The following ARNT2 variants were observed in gnomAD, a reference collection of about 807,000 sequenced individuals.
ARNT2 encodes ARNT protein 2.
In ARNT2, 36 loss-of-function variants were observed where a neutral mutation model predicts 91.7. The observed-to-expected ratio is 0.39, with a 90% CI of 0.30 to 0.52. ARNT2 has a LOEUF of 0.52. ARNT2 is among the 20% of genes least tolerant of loss of function. The pLI is 0.72. For missense variants in ARNT2, 775 were observed against 939.3 expected (o/e 0.83, Z 2.29); for synonymous variants, 365 against 347.1 (o/e 1.05, Z -0.57).
intron 11 of ARNT2, 177 bp downstream of exon 11, chr15:80,555,316 C>A: frequency 1.7e-6 from 1 of 599,422 alleles, no homozygotes; most frequent in Non-Finnish European, 3.0e-6. Flanking sequence ...AGACACACAT[C>A]AGTAAATAAG....
chr15:80,539,488 T>A (rs181312346), intron 8 of ARNT2, among the ~76,000 whole-genome samples: 13 of 152,264 alleles, frequency 8.5e-5, no homozygotes, highest in Admixed American at 2.6e-4. Context: ...ATAATTAATA[T>A]CTTATGCAGA....
intron 2 of ARNT2, among the ~76,000 whole-genome samples, chr15:80,452,610 A>C (rs920031189): frequency 6.6e-6 from 1 of 152,206 alleles, no homozygotes; most frequent in Non-Finnish European, 1.5e-5. Context: ...CTGAGGACAG[A>C]GCCCCATTGC....
At chr15:80,431,028 T>A (rs538462439) in intron 1 of ARNT2, among the ~76,000 whole-genome samples, 2 of 152,172 alleles carry the variant, frequency 1.3e-5, no homozygotes, top group African/African-American at 4.8e-5. Context: ...CTATCTTCAT[T>A]TATATCCTTC....
At chr15:80,416,721 T>C (rs1031908938) in intron 1 of ARNT2, among the ~76,000 whole-genome samples, 2 of 152,240 alleles carry the variant, frequency 1.3e-5, no homozygotes, top group Admixed American at 6.5e-5. Context: ...TTTGGTTTTG[T>C]CTGATGTTGC....
chr15:80,516,828 AATATATATATAT>A lies in ARNT2; in HGVS notation c.877+2440_877+2451del, dbSNP rs56146872. Among the ~76,000 whole-genome samples, 238 of 74,794 alleles carry A rather than the reference AATATATATATAT, an allele frequency of 3.2e-3. 10 individuals are homozygous for A. In the East Asian group the frequency reaches 0.045, roughly 14 times the overall value. 49.1% of individuals were successfully genotyped at this position (74,794 alleles called of 152,430 possible). ...TTTACAATTATTATATACAATTACAAATATATATATATATATATATATATATATCCATGTTCA... is the reference window on the plus strand; with the variant it reads ...TTTACAATTATTATATACAATTACAAATATATATATATATATCCATGTTCA... On this transcript the variant is annotated intron_variant, in intron 8 of 18. Coordinates refer to ENST00000303329, the MANE Select transcript of ARNT2 (RefSeq NM_014862.4).
chr15:80,546,537 T>C (rs561154767), intron 8 of ARNT2, among the ~76,000 whole-genome samples: 1 of 152,288 alleles, frequency 6.6e-6, no homozygotes, highest in East Asian at 1.9e-4. Flanking sequence ...GGTAGAGAGA[T>C]TTGGGCACGA....
chr15:80,528,413 T>TC (rs56230454), intron 8 of ARNT2, among the ~76,000 whole-genome samples: 10 of 151,854 alleles, frequency 6.6e-5, no homozygotes, highest in African/African-American at 1.7e-4. Context: ...TATCTATCTA[T>TC]TTATCATCTA....
chr15:80,426,079 GA>G (rs968419531), intron 1 of ARNT2, among the ~76,000 whole-genome samples: 4 of 152,030 alleles, frequency 2.6e-5, no homozygotes, highest in Non-Finnish European at 4.4e-5. Context: ...GAAAAGAAAA[GA>G]AAAGAAACTC....
intron 1 of ARNT2, among the ~76,000 whole-genome samples, chr15:80,410,756 TTATCTATCTATCTATCTATCTATCTATC>T (rs71153533): frequency 2.4e-4 from 34 of 144,152 alleles, no homozygotes; most frequent in African/African-American, 7.6e-4. Flanking sequence ...CCATTCATTT[TTATCTATCTATCTATCTATCTATCTATC>T]TATCTATCTA....
chr15:80,470,071 C>G (rs1896711420), intron 3 of ARNT2, 147 bp from the exon 4 acceptor site: 1 of 790,932 alleles, frequency 1.3e-6, no homozygotes, highest in African/African-American at 1.7e-5. Context: ...CCATTTTGCC[C>G]AATAGTCATT....
At position 80,513,922 on chromosome 15, in the gene ARNT2, C is replaced by G; in HGVS notation, c.737C>G (p.Ala246Gly). 1 of 1,613,438 alleles carries G rather than the reference C, an allele frequency of 6.2e-7. No homozygotes were observed. Among genetic ancestry groups the G allele is most frequent in the Non-Finnish European group, 8.5e-7 (1 of 1,179,432 alleles). Reference protein sequence around the residue: ...SFICRMRCGNAPLDHLPLNRI... With the variant: ...SFICRMRCGNGPLDHLPLNRI... ...TTGTCACATCTTAGGTGTGGAAATG[C>G]TCCTTTGGACCACCTTCCTCTAAAC... Residue 246 changes from alanine (A) to glycine (G), a missense_variant, in exon 7 of 19, where the codon GCT becomes GGT. Coordinates refer to ENST00000303329, the MANE Select transcript of ARNT2 (RefSeq NM_014862.4).
intron 16 of ARNT2, 52 bp from the exon 17 acceptor site, chr15:80,581,187 G>A: frequency 1.2e-6 from 2 of 1,603,656 alleles, no homozygotes; most frequent in South Asian, 1.1e-5. Context: ...CGGTTGGGGT[G>A]CAGGGGTCTG....
intron 11 of ARNT2, among the ~76,000 whole-genome samples, chr15:80,557,089 C>T (rs1898205282): frequency 6.6e-6 from 1 of 152,190 alleles, no homozygotes; most frequent in Non-Finnish European, 1.5e-5. Context: ...GACCGCCAAG[C>T]CTTCCTATTG....
chr15:80,407,310 G>A (rs1461607596), intron 1 of ARNT2, among the ~76,000 whole-genome samples: 1 of 152,170 alleles, frequency 6.6e-6, no homozygotes, highest in Non-Finnish European at 1.5e-5. Context: ...ATGTGTAGTG[G>A]GGATTCTCTA....
chr15:80,479,295 A>C (rs1293661113), intron 5 of ARNT2, among the ~76,000 whole-genome samples: 5 of 152,134 alleles, frequency 3.3e-5, no homozygotes, highest in African/African-American at 7.2e-5. Flanking sequence ...TGTTGAATTA[A>C]ATTTTTTCCT....
intron 1 of ARNT2, among the ~76,000 whole-genome samples, chr15:80,416,593 T>C (rs1442953717): frequency 2.6e-5 from 4 of 152,190 alleles, no homozygotes; most frequent in Admixed American, 2.6e-4. Context: ...GTCTCTTTAG[T>C]GTCCTTTAAT....
At chr15:80,456,687 T>G (rs957940402) in intron 2 of ARNT2, among the ~76,000 whole-genome samples, 2 of 152,192 alleles carry the variant, frequency 1.3e-5, no homozygotes, top group Non-Finnish European at 2.9e-5. Context: ...TGCCATTTCC[T>G]GGTAACCTGG....
At chr15:80,487,783 G>T (rs781123971) in intron 5 of ARNT2, 13 of 152,218 alleles carry the variant, frequency 8.5e-5, no homozygotes, top group Admixed American at 3.3e-4. Context: ...CTTAGGGAAG[G>T]GATCTAAAAC....
At chr15:80,492,624 C>G (rs1897072623) in intron 5 of ARNT2, among the ~76,000 whole-genome samples, 1 of 152,126 alleles carries the variant, frequency 6.6e-6, no homozygotes, top group African/African-American at 2.4e-5. Flanking sequence ...TTGCCTGACT[C>G]TCTTATCTAG....
Sources: gnomAD v4.1 joint callset for allele counts (sites outside exome capture counted in the v4.1 genomes callset) on GRCh38, gnomAD v4.1.1 for gene constraint, MANE v1.5 for transcripts, NCBI Gene and HGNC (gene_info 2026-07-23, HGNC 2026-07-21) for gene names.